The following KLHL29 variants were observed in gnomAD, a reference collection of about 807,000 sequenced individuals.
KLHL29 encodes kelch-like protein 29.
A neutral mutation model predicts 80.4 loss-of-function variants in KLHL29; 21 were observed. That is an observed-to-expected ratio of 0.26 (90% CI 0.19 to 0.38). The LOEUF is 0.38. Ranked by LOEUF, KLHL29 falls within the 10% of genes least tolerant of loss-of-function variation. The pLI is 1.00. For synonymous variants in KLHL29, 511 were observed against 526.8 expected (o/e 0.97, Z 0.41); for missense variants, 867 against 1,223.9 (o/e 0.71, Z 4.35).
chr2:23,424,905 A>G (rs531266789), intron 1 of KLHL29, among the ~76,000 whole-genome samples: 1 of 152,376 alleles, frequency 6.6e-6, no homozygotes, highest in East Asian at 1.9e-4. Context: ...TCACAAAAGC[A>G]GTTTTTATCT....
At chr2:23,635,186 C>G (rs1669576239) in intron 3 of KLHL29, among the ~76,000 whole-genome samples, 3 of 152,224 alleles carry the variant, frequency 2.0e-5, no homozygotes, top group African/African-American at 7.2e-5. Flanking sequence ...TAGCAAAAGC[C>G]TCTCGGGGCT....
chr2:23,592,027 G>A (rs1288096014), intron 3 of KLHL29, among the ~76,000 whole-genome samples: 3 of 152,252 alleles, frequency 2.0e-5, no homozygotes, highest in East Asian at 1.9e-4. Flanking sequence ...CTTGGAGCAC[G>A]GAAGGTTTTC....
At chr2:23,450,349 A>G (rs1406333387) in intron 1 of KLHL29, among the ~76,000 whole-genome samples, 1 of 152,156 alleles carries the variant, frequency 6.6e-6, no homozygotes, top group Non-Finnish European at 1.5e-5. Context: ...TCTATAGCTT[A>G]GATTGCGGCC....
rs533551631 is a variant in KLHL29, at chr2:23,658,690, C to T, written c.940+15840C>T. On this transcript the variant is annotated intron_variant, in intron 5 of 13. Transcript: ENST00000486442. ...GCCTTCCGGTTGTTGAGTTTGTGTCCGCCCACCTTTCCCACAGCGGAATTG... is the reference window on the plus strand; with the variant it reads ...GCCTTCCGGTTGTTGAGTTTGTGTCTGCCCACCTTTCCCACAGCGGAATTG... Among the ~76,000 whole-genome samples the T allele has an allele frequency of 9.2e-5, 14 of 152,308 alleles. No homozygotes were observed. In the South Asian group the frequency reaches 2.3e-3, roughly 25 times the overall value.
At chr2:23,407,379 G>C (rs1168636411) in intron 1 of KLHL29, among the ~76,000 whole-genome samples, 2 of 151,716 alleles carry the variant, frequency 1.3e-5, no homozygotes, top group African/African-American at 4.8e-5. Flanking sequence ...TCTCGGTTGC[G>C]TTTCCTTGAT....
intron 2 of KLHL29, among the ~76,000 whole-genome samples, chr2:23,556,748 C>T (rs192984083): frequency 3.0e-4 from 46 of 152,290 alleles, no homozygotes; most frequent in African/African-American, 1.0e-3. Context: ...TCCCAAAGGC[C>T]AGAGCCAAGT....
At chr2:23,396,591 C>T (rs111615072) in intron 1 of KLHL29, among the ~76,000 whole-genome samples, 99 of 152,278 alleles carry the variant, frequency 6.5e-4, no homozygotes, top group African/African-American at 2.2e-3. Flanking sequence ...GCGTGCAGTG[C>T]GCTTGTCAGG....
chr2:23,615,064 C>A (rs1386282058), intron 3 of KLHL29, among the ~76,000 whole-genome samples: 1 of 152,242 alleles, frequency 6.6e-6, no homozygotes, highest in African/African-American at 2.4e-5. Flanking sequence ...CGCTTCCTTT[C>A]ACAGCTCGGC....
At chr2:23,408,168 AATC>A (rs1004504676) in intron 1 of KLHL29, among the ~76,000 whole-genome samples, 2 of 149,852 alleles carry the variant, frequency 1.3e-5, no homozygotes, top group African/African-American at 4.9e-5. Flanking sequence ...TGGTAGTACA[AATC>A]ATCTTCATTA....
At chr2:23,411,821 T>C (rs1558328353) in intron 1 of KLHL29, among the ~76,000 whole-genome samples, 1 of 152,124 alleles carries the variant, frequency 6.6e-6, no homozygotes, top group African/African-American at 2.4e-5. Flanking sequence ...AAGTTTCTAA[T>C]CTGAGTCACT....
chr2:23,646,862 G>T (rs1436535631), intron 5 of KLHL29, among the ~76,000 whole-genome samples: 1 of 152,242 alleles, frequency 6.6e-6, no homozygotes, highest in African/African-American at 2.4e-5. Context: ...CATCTTTAAA[G>T]TGGGGGTGAC....
intron 5 of KLHL29, among the ~76,000 whole-genome samples, chr2:23,674,053 C>T (rs1670857442): frequency 6.6e-6 from 1 of 152,218 alleles, no homozygotes; most frequent in Admixed American, 6.5e-5. Flanking sequence ...TTTGAGTCTT[C>T]CCTTGACTCC....
intron 1 of KLHL29, among the ~76,000 whole-genome samples, chr2:23,425,940 GCATGCTGTGTATA>G (rs1662993445): frequency 6.6e-6 from 1 of 152,222 alleles, no homozygotes; most frequent in Non-Finnish European, 1.5e-5. Flanking sequence ...GTGGCCAAGA[GCATGCTGTGTATA>G]CATTCTCCCA....
At chr2:23,699,525 G>C (rs141214297) in intron 11 of KLHL29, among the ~76,000 whole-genome samples, 4 of 152,144 alleles carry the variant, frequency 2.6e-5, no homozygotes, top group Admixed American at 6.6e-5. Context: ...CAGTGACCTG[G>C]CCAGGCTGCT....
At chr2:23,394,101 G>A (rs577043191) in intron 1 of KLHL29, among the ~76,000 whole-genome samples, 113 of 152,322 alleles carry the variant, frequency 7.4e-4, no homozygotes, top group Non-Finnish European at 7.3e-5. Context: ...ACCCAACAGC[G>A]GCCGGAACAT....
intron 1 of KLHL29, among the ~76,000 whole-genome samples, chr2:23,454,127 C>T (rs1300246555): frequency 6.6e-6 from 1 of 152,170 alleles, no homozygotes; most frequent in Non-Finnish European, 1.5e-5. Flanking sequence ...GACTTTTAAC[C>T]TGTGGGTCAT....
intron 3 of KLHL29, among the ~76,000 whole-genome samples, chr2:23,634,581 C>T (rs1294410767): frequency 1.3e-5 from 2 of 152,122 alleles, no homozygotes; most frequent in Non-Finnish European, 2.9e-5. Context: ...CCCCCAGGTT[C>T]CCCCAGCTCC....
chr2:23,513,887 G>T (rs951775813), intron 2 of KLHL29, among the ~76,000 whole-genome samples: 1 of 152,174 alleles, frequency 6.6e-6, no homozygotes, highest in African/African-American at 2.4e-5. Flanking sequence ...CAACACATAG[G>T]CCTTATTTTT....
intron 1 of KLHL29, among the ~76,000 whole-genome samples, chr2:23,472,643 C>T (rs1001148924): frequency 2.0e-5 from 3 of 152,070 alleles, no homozygotes; most frequent in African/African-American, 7.2e-5. Flanking sequence ...CAAAACAAAA[C>T]AAAACAAAAC....
Sources: allele counts gnomAD v4.1 joint callset (sites outside exome capture counted in the v4.1 genomes callset), GRCh38; gene constraint gnomAD v4.1.1; transcripts MANE v1.5; gene names NCBI Gene and HGNC (gene_info 2026-07-23, HGNC 2026-07-21).